VGLL3: variants seen among roughly 807,000 people sequenced by gnomAD.
VGLL3 encodes transcription cofactor vestigial-like protein 3.
A neutral mutation model predicts 29.2 loss-of-function variants in VGLL3; 18 were observed. That is an observed-to-expected ratio of 0.62 (90% CI 0.43 to 0.91). VGLL3 has a LOEUF of 0.91. Among genes scored for constraint, VGLL3 ranks in the 40% least tolerant of loss-of-function variants. VGLL3 has a pLI of 0.00. For synonymous variants in VGLL3, 180 were observed against 151.8 expected (o/e 1.19, Z -1.36); for missense variants, 440 against 413.2 (o/e 1.06, Z -0.56).
rs1003917045 is a variant in VGLL3 at position 86,941,537 on chromosome 3, C to T, written c.*5487G>A. 1 of 151,366 alleles carries T rather than the reference C, an allele frequency of 6.6e-6. No individual in the cohort carries two copies. The highest frequency in any genetic ancestry group is 1.5e-5 in the Non-Finnish European group (1 of 67,874). The allele number at this position is 151,366 out of a possible 1,614,324, so 9.4% of individuals were successfully genotyped here. A position where few individuals can be genotyped will look rare whatever the true frequency, so the allele number is the denominator to read the frequency against. ...TTATACAATGGAATTGGTAAAAGTACACTTATTTATAATAGAATTTCTTGG... is the reference window on the plus strand; with the variant it reads ...TTATACAATGGAATTGGTAAAAGTATACTTATTTATAATAGAATTTCTTGG... On this transcript the variant is annotated 3_prime_UTR_variant, in exon 4 of 4. Transcript: ENST00000398399.
intron 3 of VGLL3, among the ~76,000 whole-genome samples, chr3:86,951,365 G>A (rs2106966112): frequency 6.6e-6 from 1 of 152,226 alleles, no homozygotes; most frequent in South Asian, 2.1e-4. Flanking sequence ...GCCTTCTACT[G>A]TGTGATCACC....
intron 1 of VGLL3, among the ~76,000 whole-genome samples, chr3:86,984,542 G>T (rs958619976): frequency 4.6e-5 from 7 of 152,196 alleles, no homozygotes; most frequent in Non-Finnish European, 7.3e-5. Flanking sequence ...ATCATATCAT[G>T]AGGGTATGTG....
chr3:86,990,418 G>A, intron 1 of VGLL3, 200 bp downstream of exon 1: 2 of 982,632 alleles, frequency 2.0e-6, no homozygotes, highest in Non-Finnish European at 2.4e-6. Flanking sequence ...CCCCCAGCTA[G>A]GTCATGCCTC....
At chr3:86,971,595 T>A (rs1394940241) in intron 2 of VGLL3, among the ~76,000 whole-genome samples, 1 of 152,234 alleles carries the variant, frequency 6.6e-6, no homozygotes, top group African/African-American at 2.4e-5. Flanking sequence ...CCACCTATAA[T>A]CAGCCTTACT....
At chr3:86,951,694 T>G (rs904274151) in intron 3 of VGLL3, among the ~76,000 whole-genome samples, 20 of 143,278 alleles carry the variant, frequency 1.4e-4, no homozygotes, top group African/African-American at 5.0e-4. Context: ...GCCTAGAGAC[T>G]CCCCCCTCTT....
At position 86,991,113 on chromosome 3, in the gene VGLL3, G is replaced by A. The variant is rs868325630; in HGVS notation, c.-370C>T. On this transcript the variant is annotated 5_prime_UTR_variant, in exon 1 of 4. Coordinates refer to ENST00000398399, the MANE Select transcript of VGLL3 (RefSeq NM_016206.4). ...ACAGCCACAGCCCAGGCCCGGGTCG[G>A]GCAGCCGTGGGGAGCCCAGCTCCGG... 2.0e-5 allele frequency: 4 copies of A among 204,254 alleles called. No homozygotes were observed. Among genetic ancestry groups the A allele is most frequent in the African/African-American group, 7.1e-5 (3 of 42,454 alleles). The allele number at this position is 204,254 out of a possible 1,614,324, so 12.7% of individuals were successfully genotyped here.
chr3:86,962,925 ATC>A, intron 3 of VGLL3: 1 of 125,838 alleles, frequency 7.9e-6, no homozygotes, highest in Middle Eastern at 4.0e-3. Context: ...AATAGTGACT[ATC>A]TACTAAAAAT....
At chr3:86,960,490 T>C (rs537259723) in intron 3 of VGLL3, among the ~76,000 whole-genome samples, 18 of 152,252 alleles carry the variant, frequency 1.2e-4, no homozygotes, top group Admixed American at 8.5e-4. Flanking sequence ...ATAAACTTCA[T>C]TCACAGATTA....
intron 3 of VGLL3, among the ~76,000 whole-genome samples, chr3:86,963,296 T>G (rs973534098): frequency 6.6e-6 from 1 of 152,252 alleles, no homozygotes; most frequent in South Asian, 2.1e-4. Flanking sequence ...ACAACACGCA[T>G]GAAACTTGAA....
chr3:86,990,257 T>A lies in VGLL3; in HGVS notation c.126+361A>T. The A allele has an allele frequency of 3.1e-6, 3 of 966,496 alleles. 1 individual carries two copies. 59.9% of individuals were successfully genotyped at this position (966,496 alleles called of 1,614,324 possible). On this transcript the variant is annotated intron_variant, in intron 1 of 3. Coordinates refer to ENST00000398399, the MANE Select transcript of VGLL3 (RefSeq NM_016206.4). ...AATAAAACCCTGAAACATTCCATCTTTCCAAATAAACAAAATAGTTGGTTG... is the reference window on the plus strand; with the variant it reads ...AATAAAACCCTGAAACATTCCATCTATCCAAATAAACAAAATAGTTGGTTG...
At chr3:86,964,721 C>T (rs1209785964) in intron 3 of VGLL3, among the ~76,000 whole-genome samples, 1 of 152,152 alleles carries the variant, frequency 6.6e-6, no homozygotes, top group Non-Finnish European at 1.5e-5. Flanking sequence ...TACCAGACAT[C>T]AAATCTTTTA....
Position 86,969,116 on chromosome 3 carries a change from T to C in VGLL3, c.411A>G (p.Ser137=). 1 of 1,585,388 alleles carries C rather than the reference T, an allele frequency of 6.3e-7. No homozygotes were observed. The highest frequency in any genetic ancestry group is 8.6e-7 in the Non-Finnish European group (1 of 1,164,606). Residue 137 remains serine, a synonymous_variant, in exon 3 of 4, where the codon TCA becomes TCG. Transcript: ENST00000398399. ...AACTATTCCGCTGGCTTGAGAGAGCTGAGCTGTCTGAGAAGACAGAAAATA... is the reference window on the plus strand; with the variant it reads ...AACTATTCCGCTGGCTTGAGAGAGCCGAGCTGTCTGAGAAGACAGAAAATA... ...MGLTPLWRDS[S]ALSSQRNSFP... is the part of the protein sequence containing the mutation.
chr3:86,964,374 C>T (rs957587237), intron 3 of VGLL3, among the ~76,000 whole-genome samples: 17 of 152,152 alleles, frequency 1.1e-4, no homozygotes, highest in South Asian at 2.1e-4. Context: ...ATAAAACTTT[C>T]GTTTGTCACT....
intron 1 of VGLL3, among the ~76,000 whole-genome samples, chr3:86,979,916 G>A (rs1447457068): frequency 6.6e-6 from 1 of 152,208 alleles, no homozygotes; most frequent in Admixed American, 6.5e-5. Context: ...GTTTTTCTGT[G>A]TAATACGTTT....
In VGLL3 at chr3:86,944,518, T is replaced by A. The variant is rs1206274497; in HGVS notation, c.*2506A>T. The A allele has an allele frequency of 6.6e-6, 1 of 152,464 alleles. No homozygotes were observed. The highest frequency in any genetic ancestry group is 1.5e-5 in the Non-Finnish European group (1 of 68,272). The allele number at this position is 152,464 out of a possible 1,614,324, so 9.4% of individuals were successfully genotyped here. A position where few individuals can be genotyped will look rare whatever the true frequency, so the allele number is the denominator to read the frequency against. On this transcript the variant is annotated 3_prime_UTR_variant, in exon 4 of 4. Coordinates refer to ENST00000398399, the MANE Select transcript of VGLL3 (RefSeq NM_016206.4). ...CCCGAGCCTCTGCCTCCTATAATACTAGGATTACAGGCATGAGCTGCTGTG... is the reference window on the plus strand; with the variant it reads ...CCCGAGCCTCTGCCTCCTATAATACAAGGATTACAGGCATGAGCTGCTGTG...
intron 1 of VGLL3, among the ~76,000 whole-genome samples, chr3:86,984,370 T>C (rs1319135111): frequency 6.6e-6 from 1 of 152,180 alleles, no homozygotes; most frequent in Non-Finnish European, 1.5e-5. Flanking sequence ...GATGAGTTAC[T>C]TTTGAGTGCA....
At position 86,941,758 on chromosome 3, in the gene VGLL3, C is replaced by T. The variant is rs1704402694; in HGVS notation, c.*5266G>A. The T allele has an allele frequency of 6.6e-6, 1 of 151,800 alleles. No homozygotes were observed. The highest frequency in any genetic ancestry group is 1.5e-5 in the Non-Finnish European group (1 of 67,958). The allele number at this position is 151,800 out of a possible 1,614,324, so 9.4% of individuals were successfully genotyped here. A position where few individuals can be genotyped will look rare whatever the true frequency, so the allele number is the denominator to read the frequency against. On this transcript the variant is annotated 3_prime_UTR_variant, in exon 4 of 4. Transcript: ENST00000398399. ...GATTTCTGTAGGTTGTAAAAGTGTA[C>T]ATGGTGCAATTCCCAGAGAGCACTA...
At chr3:86,979,853 A>C (rs1198848629) in intron 1 of VGLL3, among the ~76,000 whole-genome samples, 1 of 152,098 alleles carries the variant, frequency 6.6e-6, no homozygotes, top group Non-Finnish European at 1.5e-5. Context: ...TTGGTGGGGA[A>C]AGGCAGGGAG....
At chr3:86,959,037 T>G (rs1238936112) in intron 3 of VGLL3, among the ~76,000 whole-genome samples, 1 of 152,192 alleles carries the variant, frequency 6.6e-6, no homozygotes, top group East Asian at 1.9e-4. Context: ...GAAAAAGTAT[T>G]TCCATTATTC....
Sources: gnomAD v4.1 joint callset for allele counts (sites outside exome capture counted in the v4.1 genomes callset) on GRCh38, gnomAD v4.1.1 for gene constraint, MANE v1.5 for transcripts, NCBI Gene and HGNC (gene_info 2026-07-23, HGNC 2026-07-21) for gene names.